NOL4: variants seen among roughly 807,000 people sequenced by gnomAD.
The protein encoded by NOL4 is nucleolar protein 4.
In NOL4, 17 loss-of-function variants were observed where a neutral mutation model predicts 75.9. The observed-to-expected ratio is 0.22, with a 90% CI of 0.15 to 0.34. The LOEUF (loss-of-function observed/expected upper bound fraction) is 0.34, where lower values mean the gene tolerates loss of function less well. Ranked by LOEUF, NOL4 falls within the 10% of genes least tolerant of loss-of-function variation. The pLI, the probability that NOL4 is intolerant of heterozygous loss-of-function variation, is 1.00. For synonymous variants in NOL4, 292 were observed against 289.9 expected, an observed-to-expected ratio of 1.01 and a Z score of -0.07; for missense variants, 614 against 793.5, an observed-to-expected ratio of 0.77 and a Z score of 2.72.
rs573642210 is a variant in NOL4, at chr18:34,164,256, A to T, written c.265-34236T>A. ...ATTGACAAATGGGATCTAATTAAAC[A>T]CAAGAGCTTCTGCACAGCAAAAGAA... On this transcript the variant is annotated intron_variant, in intron 1 of 10. Transcript: ENST00000261592. 3.1e-4 allele frequency among the ~76,000 whole-genome samples: 47 copies of T among 151,540 alleles called. 1 individual carries two copies. The highest frequency in any genetic ancestry group is 3.4e-3 in the Middle Eastern group (1 of 294).
At chr18:33,941,179 G>T (rs143560412) in intron 9 of NOL4, among the ~76,000 whole-genome samples, 3 of 151,978 alleles carry the variant, frequency 2.0e-5, no homozygotes, top group Admixed American at 6.6e-5. Flanking sequence ...CTATGAATCT[G>T]ATATCTGTAT....
chr18:34,172,490 C>T (rs200808155), intron 1 of NOL4, among the ~76,000 whole-genome samples: 1 of 152,062 alleles, frequency 6.6e-6, no homozygotes, highest in Non-Finnish European at 1.5e-5. Flanking sequence ...AATGAACATG[C>T]GAGTGCAGAT....
At chr18:34,200,804 A>C (rs1022394566) in intron 1 of NOL4, among the ~76,000 whole-genome samples, 2 of 151,832 alleles carry the variant, frequency 1.3e-5, no homozygotes, top group African/African-American at 4.8e-5. Flanking sequence ...TGGCTAATTC[A>C]GTAAAAACAT....
At chr18:34,081,147 T>C (rs2077992453) in intron 5 of NOL4, among the ~76,000 whole-genome samples, 1 of 152,192 alleles carries the variant, frequency 6.6e-6, no homozygotes, top group South Asian at 2.1e-4. Context: ...ACTTCTCAAT[T>C]TACTAAACAT....
intron 5 of NOL4, among the ~76,000 whole-genome samples, chr18:34,087,373 G>A (rs879299635): frequency 6.6e-6 from 1 of 152,004 alleles, no homozygotes; most frequent in Non-Finnish European, 1.5e-5. Flanking sequence ...CTGAAAAGAG[G>A]ATTGTGATAA....
Position 34,089,646 on chromosome 18 carries a change from G to C in NOL4, c.772+3819C>G, listed in dbSNP as rs1243415371. ...TCTGAGATTGCAGAAAGACAACTGG[G>C]CACTGATTCCTAGGCTTTTCTTTTG... On this transcript the variant is annotated intron_variant, in intron 5 of 10. Coordinates refer to ENST00000261592, the MANE Select transcript of NOL4 (RefSeq NM_003787.5). Among the ~76,000 whole-genome samples the C allele has an allele frequency of 2.6e-5, 4 of 152,306 alleles. No homozygotes were observed. In the South Asian group the frequency reaches 8.3e-4, roughly 32 times the overall value.
chr18:33,966,407 C>T (rs140689280), intron 6 of NOL4, among the ~76,000 whole-genome samples: 248 of 152,276 alleles, frequency 1.6e-3, no homozygotes, highest in African/African-American at 5.6e-3. Flanking sequence ...TGCTCACTCT[C>T]ATCACTCCAG....
chr18:34,078,701 AAC>A (rs1481026527), intron 5 of NOL4, among the ~76,000 whole-genome samples: 4 of 152,350 alleles, frequency 2.6e-5, no homozygotes, highest in Non-Finnish European at 5.9e-5. Context: ...ATATCCAGCA[AAC>A]ACAGTTTTAA....
chr18:34,024,717 C>G (rs1225256348), intron 5 of NOL4, among the ~76,000 whole-genome samples: 1 of 152,074 alleles, frequency 6.6e-6, no homozygotes, highest in Non-Finnish European at 1.5e-5. Context: ...TACTGGAATA[C>G]TATACTGGAA....
chr18:34,144,599 TG>T (rs2081324280), intron 1 of NOL4, among the ~76,000 whole-genome samples: 1 of 152,136 alleles, frequency 6.6e-6, no homozygotes, highest in Admixed American at 6.6e-5. Context: ...TTTAAAGTTT[TG>T]TTGTATTATA....
intron 9 of NOL4, among the ~76,000 whole-genome samples, chr18:33,901,240 T>G (rs2144985217): frequency 6.6e-6 from 1 of 152,296 alleles, no homozygotes; most frequent in South Asian, 2.1e-4. Flanking sequence ...TATGTGATTT[T>G]TTTGACAAAT....
At chr18:33,983,202 T>C (rs2072120467) in intron 6 of NOL4, among the ~76,000 whole-genome samples, 2 of 152,056 alleles carry the variant, frequency 1.3e-5, no homozygotes, top group South Asian at 4.1e-4. Flanking sequence ...GAGGAAGGGA[T>C]AAATGGGCAG....
intron 8 of NOL4, among the ~76,000 whole-genome samples, chr18:33,952,569 G>A (rs955186127): frequency 2.0e-5 from 3 of 152,168 alleles, no homozygotes; most frequent in South Asian, 4.1e-4. Context: ...ACTAAGCAAG[G>A]CATTGAAGCT....
Position 34,113,381 on chromosome 18 carries a change from T to C in NOL4, c.415-8221A>G, listed in dbSNP as rs374427198. On this transcript the variant is annotated intron_variant, in intron 2 of 10. Transcript: ENST00000261592. ...AGTTCTTAGCATGGTGGCTCACACC[T>C]GTAATCCCAACAATTTGACAGGCTG... Among the ~76,000 whole-genome samples, 16 of 152,322 alleles carry C rather than the reference T, an allele frequency of 1.1e-4. No homozygotes were observed. The East Asian group carries it at 1.7e-3, about 17-fold the overall frequency.
intron 1 of NOL4, among the ~76,000 whole-genome samples, chr18:34,142,193 G>A (rs2081198059): frequency 6.6e-6 from 1 of 152,192 alleles, no homozygotes; most frequent in Non-Finnish European, 1.5e-5. Context: ...AGGTGCTGGA[G>A]AGGATGTGGA....
At chr18:33,868,160 C>G (rs1244164645) in intron 10 of NOL4, among the ~76,000 whole-genome samples, 1 of 151,756 alleles carries the variant, frequency 6.6e-6, no homozygotes, top group Non-Finnish European at 1.5e-5. Context: ...ACCTCAGCCT[C>G]CAGAGTATCT....
At chr18:33,941,766 G>A (rs1449118927) in intron 9 of NOL4, among the ~76,000 whole-genome samples, 1 of 151,858 alleles carries the variant, frequency 6.6e-6, no homozygotes, top group African/African-American at 2.4e-5. Flanking sequence ...GTAGAGATGA[G>A]ATTCAAAACC....
At chr18:34,143,381 A>C (rs890135029) in intron 1 of NOL4, among the ~76,000 whole-genome samples, 13 of 152,172 alleles carry the variant, frequency 8.5e-5, no homozygotes, top group Non-Finnish European at 1.9e-4. Flanking sequence ...ACCAATTCTC[A>C]CAGAATACTT....
chr18:33,900,660 AAAC>A (rs2065694203), intron 9 of NOL4, among the ~76,000 whole-genome samples: 3 of 152,216 alleles, frequency 2.0e-5, no homozygotes, highest in Non-Finnish European at 4.4e-5. Flanking sequence ...ACTGCCATGA[AAAC>A]TGTTTTACCC....
Sources: allele counts gnomAD v4.1 joint callset (sites outside exome capture counted in the v4.1 genomes callset), GRCh38; gene constraint gnomAD v4.1.1; transcripts MANE v1.5; gene names NCBI Gene and HGNC (gene_info 2026-07-23, HGNC 2026-07-21).